Variants in PDS5B observed in about 807,000 individuals in gnomAD.
The protein encoded by PDS5B is sister chromatid cohesion protein PDS5 homolog B.
A neutral mutation model predicts 184.1 loss-of-function variants in PDS5B; 51 were observed. The ratio of observed to expected loss-of-function variants is 0.28; its 90% CI spans 0.22 to 0.35. The LOEUF is 0.35. Ranked by LOEUF, PDS5B falls within the 10% of genes least tolerant of loss-of-function variation. The pLI is 1.00. For missense variants in PDS5B, 1,180 were observed against 1,723.3 expected, an observed-to-expected ratio of 0.68 and a Z score of 5.58; for synonymous variants, 566 against 569.2, an observed-to-expected ratio of 0.99 and a Z score of 0.08.
At chr13:32,606,336 G>A (rs1381506133) in intron 1 of PDS5B, among the ~76,000 whole-genome samples, 1 of 152,126 alleles carries the variant, frequency 6.6e-6, no homozygotes, top group Non-Finnish European at 1.5e-5. Context: ...AGCTTAGTTT[G>A]GCTGGATATG....
rs144644324 is a variant in PDS5B, at chr13:32,608,009, C to T, written c.-20+21416C>T. On this transcript the variant is annotated intron_variant, in intron 1 of 34. Transcript: ENST00000315596. ...GAATTCCCCAACGCCTTGCGCTTCC[C>T]GGGTGAGGTGATGCCCTGCCCTGCT... Among the ~76,000 whole-genome samples, 1,351 of 152,298 alleles carry T rather than the reference C, an allele frequency of 8.9e-3. 15 individuals are homozygous for T. Among genetic ancestry groups the T allele is most frequent in the Admixed American group, 0.019 (287 of 15,304 alleles).
chr13:32,635,992 A>G (rs1304479354), intron 1 of PDS5B, among the ~76,000 whole-genome samples: 1 of 151,418 alleles, frequency 6.6e-6, no homozygotes, highest in Non-Finnish European at 1.5e-5. Context: ...GATGGTCTCG[A>G]TCTCCTGACC....
rs187869426 is a variant in PDS5B at position 32,658,231 on chromosome 13, T to A, written c.313-8T>A. ...ATCTAAATGGCACTTTGTCTTTTTT[T>A]ATTTAAGGATATATTTATGTTTATA... is the stretch of plus-strand genomic sequence containing the variant. On this transcript the variant is annotated splice_polypyrimidine_tract_variant and splice_region_variant and intron_variant, in intron 3 of 34. Transcript: ENST00000315596. The A allele has an allele frequency of 4.6e-6, 6 of 1,315,876 alleles. No individual in the cohort carries two copies. The highest frequency in any genetic ancestry group is 2.6e-5 in the South Asian group (2 of 78,284). 81.5% of individuals were successfully genotyped at this position (1,315,876 alleles called of 1,614,324 possible).
At chr13:32,651,536 TA>T (rs1310638307) in intron 2 of PDS5B, among the ~76,000 whole-genome samples, 2 of 152,236 alleles carry the variant, frequency 1.3e-5, no homozygotes, top group African/African-American at 4.8e-5. Flanking sequence ...ATTCTTCCAA[TA>T]ATGACTACTA....
intron 8 of PDS5B, among the ~76,000 whole-genome samples, chr13:32,673,665 G>A (rs760539414): frequency 2.2e-4 from 33 of 152,112 alleles, no homozygotes; most frequent in Non-Finnish European, 4.6e-4. Context: ...TGTTTTCAAG[G>A]CACAGTTTAT....
At chr13:32,594,982 G>A (rs2057836449) in intron 1 of PDS5B, among the ~76,000 whole-genome samples, 1 of 152,070 alleles carries the variant, frequency 6.6e-6, no homozygotes, top group Admixed American at 6.6e-5. Context: ...TCATATACGT[G>A]TCTTCTTCTC....
intron 3 of PDS5B, 133 bp downstream of exon 3, chr13:32,652,140 T>C (rs1950380211): frequency 4.8e-6 from 3 of 623,504 alleles, no homozygotes; most frequent in South Asian, 2.3e-5. Context: ...TTTGCTAAAC[T>C]TAATGTTTTT....
At chr13:32,676,014 T>C (rs1951054822) in intron 9 of PDS5B, 55 bp downstream of exon 9, 2 of 960,878 alleles carry the variant, frequency 2.1e-6, no homozygotes, top group South Asian at 1.4e-5. Flanking sequence ...CTGACCGTTT[T>C]TTTAAGAAAC....
At chr13:32,654,981 A>G (rs936590017) in intron 3 of PDS5B, among the ~76,000 whole-genome samples, 5 of 152,148 alleles carry the variant, frequency 3.3e-5, no homozygotes, top group East Asian at 1.9e-4. Context: ...TAGTGCTGCT[A>G]CGAACATATG....
chr13:32,607,516 CT>C (rs2058078293), intron 1 of PDS5B, among the ~76,000 whole-genome samples: 1 of 152,238 alleles, frequency 6.6e-6, no homozygotes, highest in Non-Finnish European at 1.5e-5. Context: ...CAGGGACCCA[CT>C]TGAGGAGGCA....
At chr13:32,766,414 A>G (rs1360253709) in intron 31 of PDS5B, among the ~76,000 whole-genome samples, 1 of 152,190 alleles carries the variant, frequency 6.6e-6, no homozygotes, top group African/African-American at 2.4e-5. Context: ...TATTAGTATG[A>G]TTGTAATGGA....
chr13:32,604,781 T>C (rs1270548394), intron 1 of PDS5B, among the ~76,000 whole-genome samples: 1 of 152,180 alleles, frequency 6.6e-6, no homozygotes, highest in Non-Finnish European at 1.5e-5. Flanking sequence ...GGGATTCAAC[T>C]TCTTCCTGGT....
At position 32,658,276 on chromosome 13, in the gene PDS5B, T is replaced by A; in HGVS notation, c.350T>A (p.Leu117Gln). Residue 117 changes from leucine (L) to glutamine (Q), a missense_variant, in exon 4 of 35, where the codon CTA (leucine) becomes CAA (glutamine). By Grantham distance (113) the Leu-to-Gln change is moderately radical. This residue lies in a region of PDS5B where 22 missense variants were observed against 46.8 expected (regional missense o/e 0.47). Coordinates refer to ENST00000315596, the MANE Select transcript of PDS5B (RefSeq NM_015032.4). ...TTTATAACAAGACAGTTGAAGGGGC[T>A]AGAGGATACAAAGAGCCCACAATTC... ...FMFITRQLKG[L>Q]EDTKSPQFNR... 1 of 1,524,306 alleles carries A rather than the reference T, an allele frequency of 6.6e-7. No individual in the cohort carries two copies. Among genetic ancestry groups the A allele is most frequent in the Non-Finnish European group, 9.1e-7 (1 of 1,101,940 alleles). The allele number at this position is 1,524,306 out of a possible 1,614,324, so 94.4% of individuals were successfully genotyped here. A position where few individuals can be genotyped will look rare whatever the true frequency, so the allele number is the denominator to read the frequency against.
chr13:32,612,935 A>G (rs992083927), intron 1 of PDS5B, among the ~76,000 whole-genome samples: 1 of 152,172 alleles, frequency 6.6e-6, no homozygotes, highest in African/African-American at 2.4e-5. Flanking sequence ...CCTCAACCTT[A>G]GGCATCCACT....
At chr13:32,683,495 T>C in intron 10 of PDS5B, among the ~76,000 whole-genome samples, 1 of 151,954 alleles carries the variant, frequency 6.6e-6, no homozygotes, top group East Asian at 1.9e-4. Flanking sequence ...TAATTTTGTA[T>C]TTTTAATAGA....
chr13:32,663,811 T>A (rs1251437170), intron 6 of PDS5B, among the ~76,000 whole-genome samples: 1 of 152,238 alleles, frequency 6.6e-6, no homozygotes, highest in African/African-American at 2.4e-5. Flanking sequence ...TTAGTGCCCC[T>A]GTCACCTGAG....
intron 1 of PDS5B, among the ~76,000 whole-genome samples, chr13:32,589,581 G>C (rs964788212): frequency 6.6e-6 from 1 of 152,144 alleles, no homozygotes; most frequent in Non-Finnish European, 1.5e-5. Context: ...GGGAAAGTTA[G>C]TATTGACCTT....
At chr13:32,761,806 A>G (rs922139835) in intron 30 of PDS5B, among the ~76,000 whole-genome samples, 1 of 152,234 alleles carries the variant, frequency 6.6e-6, no homozygotes, top group African/African-American at 2.4e-5. Context: ...ATCTATTTGC[A>G]TTTGGGTATA....
Position 32,775,095 on chromosome 13 carries a change from A to AAATTTTTTTTTT in PDS5B, c.*43_*44insAATTTTTTTTTT. 1 of 547,628 alleles carries AAATTTTTTTTTT rather than the reference A, an allele frequency of 1.8e-6. No homozygotes were observed. Among genetic ancestry groups the AAATTTTTTTTTT allele is most frequent in the Non-Finnish European group, 2.6e-6 (1 of 388,742 alleles). 33.9% of individuals were successfully genotyped at this position (547,628 alleles called of 1,614,324 possible). ...CTTTCTCTGTGAAAGCTTTGGAAAA[A>AAATTTTTTTTTT]TCTTTTTTTTTTTTTTTGGTCAAGC... is the stretch of plus-strand genomic sequence containing the variant. On this transcript the variant is annotated 3_prime_UTR_variant, in exon 35 of 35. Coordinates refer to ENST00000315596, the MANE Select transcript of PDS5B (RefSeq NM_015032.4).
Sources: allele counts gnomAD v4.1 joint callset (sites outside exome capture counted in the v4.1 genomes callset), GRCh38; gene constraint gnomAD v4.1.1; regional missense constraint gnomAD v4.1.1; transcripts MANE v1.5; gene names NCBI Gene and HGNC (gene_info 2026-07-23, HGNC 2026-07-21).